EXT2: variants seen among roughly 807,000 people sequenced by gnomAD.
EXT2 encodes exostosin glycosyltransferase 2.
A neutral mutation model predicts 81.6 loss-of-function variants in EXT2; 53 were observed. The observed-to-expected ratio is 0.65, with a 90% CI of 0.52 to 0.82. EXT2 has a LOEUF of 0.82. EXT2 is among the 40% of genes least tolerant of loss of function. EXT2 has a pLI of 0.00. For missense variants in EXT2, 774 were observed against 910.2 expected, an observed-to-expected ratio of 0.85 and a Z score of 1.93; for synonymous variants, 320 against 340.0, an observed-to-expected ratio of 0.94 and a Z score of 0.65.
intron 4 of EXT2, among the ~76,000 whole-genome samples, chr11:44,119,733 A>G (rs1954289718): frequency 1.3e-5 from 2 of 152,222 alleles, no homozygotes; most frequent in Non-Finnish European, 2.9e-5. Flanking sequence ...AAGCCTTTCT[A>G]AGGAGAACAC....
intron 12 of EXT2, among the ~76,000 whole-genome samples, chr11:44,235,225 C>CTTTTTTTTTTTT (rs35214626): frequency 2.0e-4 from 10 of 50,770 alleles, no homozygotes; most frequent in East Asian, 6.7e-4. Flanking sequence ...CCCAAATTTG[C>CTTTTTTTTTTTT]TTTTTTTTTT....
At chr11:44,156,652 T>G (rs560587655) in intron 7 of EXT2, among the ~76,000 whole-genome samples, 1 of 152,366 alleles carries the variant, frequency 6.6e-6, no homozygotes, top group Non-Finnish European at 1.5e-5. Context: ...TCAAGCTTCC[T>G]CAAAAGAGCT....
rs1956088659 is a variant in EXT2 at position 44,245,794 on chromosome 11, G to A, written c.*1507G>A. ...TTTCAGAAGTAGCAAAGTTGGAAGT[G>A]GAAATCATAAGAGTTTTGTCTTCTT... On this transcript the variant is annotated 3_prime_UTR_variant, in exon 14 of 14. Transcript: ENST00000533608. Among the ~76,000 whole-genome samples the A allele has an allele frequency of 6.6e-6, 1 of 152,196 alleles. No individual in the cohort carries two copies. Among genetic ancestry groups the A allele is most frequent in the Non-Finnish European group, 1.5e-5 (1 of 68,042 alleles).
Position 44,119,127 on chromosome 11 carries a change from TATATATATATATATATA to T in EXT2, c.743+4827_743+4843del, listed in dbSNP as rs1954268101. On this transcript the variant is annotated intron_variant, in intron 4 of 13. Coordinates refer to ENST00000533608, the MANE Select transcript of EXT2 (RefSeq NM_207122.2). Reference sequence around the variant, plus strand: ...CCCCCAGGGGACATTTGGCTATTTATATATATATATATATATATATATATATATATATATATATATAT... The same window carrying T: ...CCCCCAGGGGACATTTGGCTATTTATTATATATATATATATATATATATAT... 1.8e-3 allele frequency among the ~76,000 whole-genome samples: 51 copies of T among 28,800 alleles called. 2 individuals are homozygous for T. Among genetic ancestry groups the T allele is most frequent in the African/African-American group, 5.1e-3 (36 of 7,044 alleles). The allele number at this position is 28,800 out of a possible 152,430, so 18.9% of individuals were successfully genotyped here.
intron 7 of EXT2, among the ~76,000 whole-genome samples, chr11:44,143,656 A>T (rs1954676062): frequency 6.6e-6 from 1 of 152,172 alleles, no homozygotes; most frequent in African/African-American, 2.4e-5. Context: ...TAATCAGAAG[A>T]TGGGGCTTTC....
chr11:44,230,215 A>G (rs1955882799), intron 10 of EXT2, among the ~76,000 whole-genome samples: 1 of 152,158 alleles, frequency 6.6e-6, no homozygotes, highest in Admixed American at 6.5e-5. Context: ...AGAAACAGCA[A>G]GTGCAGAGGG....
intron 10 of EXT2, among the ~76,000 whole-genome samples, chr11:44,210,293 G>A (rs1353542830): frequency 6.6e-6 from 1 of 152,234 alleles, no homozygotes; most frequent in East Asian, 1.9e-4. Context: ...TACATCCATA[G>A]AGTAGAATAT....
intron 13 of EXT2, among the ~76,000 whole-genome samples, chr11:44,240,098 T>A (rs1956019865): frequency 1.3e-5 from 2 of 152,172 alleles, no homozygotes; most frequent in Non-Finnish European, 2.9e-5. Flanking sequence ...TAGATGCAGT[T>A]TTTTTCCAGA....
chr11:44,191,716 G>A (rs1955393826), intron 8 of EXT2, among the ~76,000 whole-genome samples: 1 of 152,156 alleles, frequency 6.6e-6, no homozygotes, highest in Admixed American at 6.5e-5. Context: ...TTTTTGAAAT[G>A]TTCCTCCCCA....
At chr11:44,243,848 G>A (rs1181727103) in intron 13 of EXT2, among the ~76,000 whole-genome samples, 1 of 151,920 alleles carries the variant, frequency 6.6e-6, no homozygotes, top group African/African-American at 2.4e-5. Flanking sequence ...ATTTGAGGGG[G>A]AGGGGAAAAG....
At chr11:44,230,518 C>T (rs1323826450) in intron 10 of EXT2, among the ~76,000 whole-genome samples, 1 of 152,072 alleles carries the variant, frequency 6.6e-6, no homozygotes, top group Non-Finnish European at 1.5e-5. Flanking sequence ...AAAATGTTGT[C>T]AGGGTGACCC....
chr11:44,159,369 G>T (rs924730776), intron 7 of EXT2, among the ~76,000 whole-genome samples: 5 of 151,602 alleles, frequency 3.3e-5, no homozygotes, highest in Non-Finnish European at 5.9e-5. Context: ...TGCTTTTCAG[G>T]TTTGGAAGTT....
In EXT2 at chr11:44,245,184, G is replaced by A. The variant is rs944956435; in HGVS notation, c.*897G>A. On this transcript the variant is annotated 3_prime_UTR_variant, in exon 14 of 14. Transcript: ENST00000533608. ...ATTAGATCCAGTCAATGTTTTAAAG[G>A]TATTGTCAGAGAAAAACAGAGGGTC... 3 of 228,838 alleles carry A rather than the reference G, an allele frequency of 1.3e-5. No individual in the cohort carries two copies. Among genetic ancestry groups the A allele is most frequent in the African/African-American group, 6.7e-5 (3 of 45,068 alleles). 14.2% of individuals were successfully genotyped at this position (228,838 alleles called of 1,614,324 possible). A position where few individuals can be genotyped will look rare whatever the true frequency, so the allele number is the denominator to read the frequency against.
chr11:44,123,032 T>C (rs1412943595), intron 4 of EXT2, among the ~76,000 whole-genome samples: 1 of 152,220 alleles, frequency 6.6e-6, no homozygotes, highest in African/African-American at 2.4e-5. Context: ...AAAACCAGAA[T>C]TGATCCTGAG....
Position 44,232,405 on chromosome 11 carries a change from T to C in EXT2, c.1715T>C (p.Leu572Pro). 1.2e-6 allele frequency: 2 copies of C among 1,614,086 alleles called. No individual in the cohort carries two copies. Among genetic ancestry groups the C allele is most frequent in the Non-Finnish European group, 1.7e-6 (2 of 1,179,988 alleles). ...RLVGYPGRLH[L>P]WDHEMNKWKY... ...GTGGGTTACCCGGGTCGTCTGCATC[T>C]CTGGGACCATGAGATGAATAAGTGG... Residue 572 changes from leucine to proline, a missense_variant, in exon 11 of 14, where the codon CTC becomes CCC. Leu to Pro is a moderately conservative substitution (Grantham distance 98). Transcript: ENST00000533608.
chr11:44,191,101 C>T (rs1277937550), intron 8 of EXT2, among the ~76,000 whole-genome samples: 1 of 152,252 alleles, frequency 6.6e-6, no homozygotes, highest in Non-Finnish European at 1.5e-5. Context: ...CTAGTTCTTA[C>T]ACCAGGGCTT....
chr11:44,243,084 T>A (rs927382066), intron 13 of EXT2, among the ~76,000 whole-genome samples: 1 of 152,168 alleles, frequency 6.6e-6, no homozygotes, highest in African/African-American at 2.4e-5. Flanking sequence ...TAATAACAAA[T>A]TTTTTTAGAA....
At position 44,173,359 on chromosome 11, in the gene EXT2, A is replaced by G. The variant is rs149488337; in HGVS notation, c.1305+1617A>G. Reference sequence around the variant, plus strand: ...AAGCATAATTTTGTAGTTTTAAAACATATATGGGATTATACTAAACATGTT... The same window carrying G: ...AAGCATAATTTTGTAGTTTTAAAACGTATATGGGATTATACTAAACATGTT... On this transcript the variant is annotated intron_variant, in intron 8 of 13. Transcript: ENST00000533608. Among the ~76,000 whole-genome samples, 1,301 of 152,264 alleles carry G rather than the reference A, an allele frequency of 8.5e-3. 22 individuals are homozygous for G. The highest frequency in any genetic ancestry group is 0.029 in the African/African-American group (1,212 of 41,546).
intron 7 of EXT2, among the ~76,000 whole-genome samples, chr11:44,162,317 T>C (rs1257888522): frequency 1.3e-5 from 2 of 152,168 alleles, no homozygotes; most frequent in Non-Finnish European, 1.5e-5. Flanking sequence ...GGCTCATGCC[T>C]GTAATCCCAG....
Sources: allele counts gnomAD v4.1 joint callset (sites outside exome capture counted in the v4.1 genomes callset), GRCh38; gene constraint gnomAD v4.1.1; transcripts MANE v1.5; gene names NCBI Gene and HGNC (gene_info 2026-07-23, HGNC 2026-07-21).